Variants in FSTL1 observed in about 807,000 individuals in gnomAD.
FSTL1 encodes the protein follistatin like 1.
FSTL1 carries 24 observed loss-of-function variants against 45.9 expected under a neutral mutation model. That is an observed-to-expected ratio of 0.52 (90% confidence interval 0.38 to 0.74). The LOEUF is 0.74. Ranked by LOEUF, FSTL1 falls within the 30% of genes least tolerant of loss-of-function variation. The pLI is 0.00. For synonymous variants in FSTL1, 120 were observed against 137.6 expected, an observed-to-expected ratio of 0.87 and a Z score of 0.89; for missense variants, 340 against 381.8, an observed-to-expected ratio of 0.89 and a Z score of 0.91.
At chr3:120,405,591 G>T (rs1936931431) in intron 6 of FSTL1, among the ~76,000 whole-genome samples, 1 of 152,222 alleles carries the variant, frequency 6.6e-6, no homozygotes, top group African/African-American at 2.4e-5. Flanking sequence ...TACAGACAGG[G>T]GTCATCATGC....
intron 2 of FSTL1, among the ~76,000 whole-genome samples, chr3:120,445,609 T>C (rs1378579436): frequency 6.7e-6 from 1 of 149,606 alleles, no homozygotes; most frequent in Non-Finnish European, 1.5e-5. Context: ...CATGAAGCTA[T>C]ACATGGAAGA....
At chr3:120,450,107 A>G (rs565207704) in intron 2 of FSTL1, among the ~76,000 whole-genome samples, 1 of 152,182 alleles carries the variant, frequency 6.6e-6, no homozygotes, top group African/African-American at 2.4e-5. Flanking sequence ...CTTCTCTTAC[A>G]CTTGCGCAAC....
At chr3:120,441,993 T>C (rs1162342356) in intron 2 of FSTL1, among the ~76,000 whole-genome samples, 1 of 152,230 alleles carries the variant, frequency 6.6e-6, no homozygotes, top group African/African-American at 2.4e-5. Context: ...GAAAAATCAG[T>C]AATCAGAGTA....
chr3:120,411,175 GT>G (rs911558603), intron 4 of FSTL1, 191 bp from the exon 5 acceptor site: 1 of 527,752 alleles, frequency 1.9e-6, no homozygotes, highest in Non-Finnish European at 3.5e-6. Flanking sequence ...CTCCTGCTTT[GT>G]CTGACAATTT....
At chr3:120,401,679 C>T (rs1936829931) in intron 9 of FSTL1, among the ~76,000 whole-genome samples, 1 of 151,966 alleles carries the variant, frequency 6.6e-6, no homozygotes, top group African/African-American at 2.4e-5. Flanking sequence ...ACCTCCCAGG[C>T]TCAGGTGATC....
rs538354011 is a variant in FSTL1, at chr3:120,442,115, G to A, written c.63+8569C>T. On this transcript the variant is annotated intron_variant, in intron 2 of 10. Coordinates refer to ENST00000295633, the MANE Select transcript of FSTL1 (RefSeq NM_007085.5). ...TCATTACAGAGTCAAAAACATAAGC[G>A]ACCCTTCATCTCTTGCAGGTATTTG... is the stretch of plus-strand genomic sequence containing the variant. Among the ~76,000 whole-genome samples the A allele has an allele frequency of 1.1e-4, 16 of 152,336 alleles. No homozygotes were observed. In the South Asian group the frequency reaches 2.7e-3, roughly 26 times the overall value.
chr3:120,416,723 C>G (rs1412495034), intron 2 of FSTL1, among the ~76,000 whole-genome samples: 4 of 152,128 alleles, frequency 2.6e-5, no homozygotes, highest in African/African-American at 9.7e-5. Context: ...CCCATTTAGC[C>G]CCTACCCATG....
Position 120,449,965 on chromosome 3 carries a change from T to G in FSTL1, c.63+719A>C, listed in dbSNP as rs944617834. Among the ~76,000 whole-genome samples, 5 of 152,182 alleles carry G rather than the reference T, an allele frequency of 3.3e-5. No homozygotes were observed. The East Asian group carries it at 9.6e-4, about 29-fold the overall frequency. Reference sequence around the variant, plus strand: ...ACCTTTGAGTTAATGGAGCGGCTTCTGAGCAAAGAGTTTGTTGGTTTGTTT... The same window carrying G: ...ACCTTTGAGTTAATGGAGCGGCTTCGGAGCAAAGAGTTTGTTGGTTTGTTT... On this transcript the variant is annotated intron_variant, in intron 2 of 10. Transcript: ENST00000295633.
chr3:120,403,501 A>G (rs1036435802), intron 7 of FSTL1, 147 bp from the exon 8 acceptor site: 16 of 588,926 alleles, frequency 2.7e-5, no homozygotes, highest in Non-Finnish European at 4.3e-5. Flanking sequence ...CTCTACACTG[A>G]CCCAACACAA....
chr3:120,429,513 G>A (rs1042303142), intron 2 of FSTL1, among the ~76,000 whole-genome samples: 1 of 152,180 alleles, frequency 6.6e-6, no homozygotes, highest in East Asian at 1.9e-4. Flanking sequence ...AAAATTTGTG[G>A]TTTTTATTTT....
chr3:120,412,569 T>C (rs1186129268), intron 3 of FSTL1, among the ~76,000 whole-genome samples: 1 of 152,176 alleles, frequency 6.6e-6, no homozygotes, highest in East Asian at 1.9e-4. Context: ...TATTTATTAA[T>C]TACCCAATCT....
intron 2 of FSTL1, among the ~76,000 whole-genome samples, chr3:120,450,358 G>A (rs1937857714): frequency 6.6e-6 from 1 of 152,162 alleles, no homozygotes; most frequent in African/African-American, 2.4e-5. Context: ...GTGAAGGACG[G>A]AACTGAGGCG....
Position 120,408,033 on chromosome 3 carries a change from C to T in FSTL1, c.462+1499G>A, listed in dbSNP as rs142614011. ...AAGGGCCACTAAAAAATGGTTACAA[C>T]GTCCTAAGTGGCCCCTGGGAAGGAG... is the stretch of plus-strand genomic sequence containing the variant. On this transcript the variant is annotated intron_variant, in intron 6 of 10. Coordinates refer to ENST00000295633, the MANE Select transcript of FSTL1 (RefSeq NM_007085.5). 3.3e-3 allele frequency among the ~76,000 whole-genome samples: 497 copies of T among 152,326 alleles called. 2 individuals carry two copies. The highest frequency in any genetic ancestry group is 0.011 in the African/African-American group (478 of 41,570).
At chr3:120,440,099 C>T (rs557607734) in intron 2 of FSTL1, among the ~76,000 whole-genome samples, 1 of 152,172 alleles carries the variant, frequency 6.6e-6, no homozygotes, top group Non-Finnish European at 1.5e-5. Context: ...GGCAACAGAG[C>T]AAGATCCTGT....
rs1428576018 is a variant in FSTL1 at position 120,403,222 on chromosome 3, A to G, written c.694+20T>C. ...ATGCCTCCATTCACTACAGCTCTCTATTTCTTAGGTTAGGCATACTCTTCT... is the reference window on the plus strand; with the variant it reads ...ATGCCTCCATTCACTACAGCTCTCTGTTTCTTAGGTTAGGCATACTCTTCT... On this transcript the variant is annotated intron_variant, in intron 8 of 10. Coordinates refer to ENST00000295633, the MANE Select transcript of FSTL1 (RefSeq NM_007085.5). 16 of 1,322,634 alleles carry G rather than the reference A, an allele frequency of 1.2e-5. No homozygotes were observed. The East Asian group carries it at 3.7e-4, about 30-fold the overall frequency. 81.9% of individuals were successfully genotyped at this position (1,322,634 alleles called of 1,614,324 possible).
intron 10 of FSTL1, among the ~76,000 whole-genome samples, chr3:120,397,742 T>C (rs1477080673): frequency 6.6e-6 from 1 of 152,214 alleles, no homozygotes; most frequent in African/African-American, 2.4e-5. Flanking sequence ...GACCCAGCAA[T>C]TCCACTTCTA....
At chr3:120,412,542 G>A (rs78081642) in intron 3 of FSTL1, among the ~76,000 whole-genome samples, 6,623 of 152,166 alleles carry the variant, frequency 0.044, 361 homozygotes, top group Admixed American at 0.16. Flanking sequence ...CCAGAACTGT[G>A]AGAATTAAAT....
intron 4 of FSTL1, chr3:120,411,275 T>C: frequency 3.1e-6 from 1 of 325,828 alleles, no homozygotes; most frequent in Non-Finnish European, 5.8e-6. Flanking sequence ...TGGAGAATCA[T>C]TCTGGACAGG....
At chr3:120,409,060 T>C (rs945754409) in intron 6 of FSTL1, among the ~76,000 whole-genome samples, 9 of 152,188 alleles carry the variant, frequency 5.9e-5, no homozygotes, top group Non-Finnish European at 1.3e-4. Context: ...TCTGGACCCA[T>C]GAAATGCCAG....
Sources: gnomAD v4.1 joint callset for allele counts (sites outside exome capture counted in the v4.1 genomes callset) on GRCh38, gnomAD v4.1.1 for gene constraint, MANE v1.5 for transcripts, NCBI Gene and HGNC (gene_info 2026-07-23, HGNC 2026-07-21) for gene names.